SLC22A24: variants seen among roughly 807,000 people sequenced by gnomAD.
SLC22A24 encodes the protein solute carrier family 22 member 24, also known as steroid transmembrane transporter SLC22A24.
In SLC22A24, 53 loss-of-function variants were observed where a neutral mutation model predicts 49.8. The ratio of observed to expected loss-of-function variants is 1.06; its 90% CI spans 0.85 to 1.34. SLC22A24 has a LOEUF of 1.34. Among genes scored for constraint, SLC22A24 ranks in the 40% most tolerant of loss-of-function variants. SLC22A24 has a pLI of 0.00. For missense variants in SLC22A24, 786 were observed against 675.9 expected (o/e 1.16, Z -1.81); for synonymous variants, 302 against 256.4 (o/e 1.18, Z -1.70).
intron 4 of SLC22A24, among the ~76,000 whole-genome samples, chr11:63,117,515 C>G (rs986854044): frequency 1.3e-5 from 2 of 152,108 alleles, no homozygotes; most frequent in African/African-American, 4.8e-5. Flanking sequence ...AGGGACTTCC[C>G]CTTTCACCTC....
intron 2 of SLC22A24, among the ~76,000 whole-genome samples, chr11:63,126,009 GT>G (rs1293201708): frequency 1.3e-5 from 2 of 151,326 alleles, no homozygotes; most frequent in African/African-American, 4.8e-5. Flanking sequence ...GGGGTCGTTT[GT>G]TTTTTTTCTT....
At chr11:63,127,233 G>A (rs2087298136) in intron 2 of SLC22A24, among the ~76,000 whole-genome samples, 1 of 152,084 alleles carries the variant, frequency 6.6e-6, no homozygotes, top group Non-Finnish European at 1.5e-5. Flanking sequence ...GTGGTGTTTG[G>A]CTTTCGGTCC....
intron 4 of SLC22A24, chr11:63,118,600 A>C: frequency 1.9e-6 from 1 of 535,744 alleles, no homozygotes; most frequent in South Asian, 2.9e-5. Flanking sequence ...CCCCCAAATT[A>C]TCTCCATCAC....
At chr11:63,119,151 G>C in intron 3 of SLC22A24, 30 bp downstream of exon 3, 1 of 1,529,308 alleles carries the variant, frequency 6.5e-7, no homozygotes, top group Non-Finnish European at 8.8e-7. Flanking sequence ...AAGACATGGA[G>C]ATGATAAAAT....
At chr11:63,123,251 C>T (rs529905389) in intron 2 of SLC22A24, among the ~76,000 whole-genome samples, 1 of 152,004 alleles carries the variant, frequency 6.6e-6, no homozygotes, top group Non-Finnish European at 1.5e-5. Context: ...AACTTTGAAA[C>T]CTGAAAAAGA....
In SLC22A24 at chr11:63,125,966, G is replaced by A. The variant is rs189332376; in HGVS notation, c.507-6631C>T. Among the ~76,000 whole-genome samples, 9 of 152,250 alleles carry A rather than the reference G, an allele frequency of 5.9e-5. No individual in the cohort carries two copies. The East Asian group carries it at 1.5e-3, about 26-fold the overall frequency. On this transcript the variant is annotated intron_variant, in intron 2 of 9. Coordinates refer to ENST00000612278, the MANE Select transcript of SLC22A24 (RefSeq NM_001136506.2). ...CTGCATAAATGTCTTCTTTTGAGAA[G>A]TGTCTGTTCATATCCTTCGCCCACT...
At chr11:63,138,641 CAAAAAAAAAAA>C (rs59726580) in intron 1 of SLC22A24, among the ~76,000 whole-genome samples, 7 of 60,774 alleles carry the variant, frequency 1.2e-4, no homozygotes, top group Admixed American at 2.2e-4. Flanking sequence ...GACTCTGTCT[CAAAAAAAAAAA>C]AAAAAAAAAA....
intron 4 of SLC22A24, among the ~76,000 whole-genome samples, chr11:63,114,170 G>C (rs545886749): frequency 6.6e-5 from 10 of 152,202 alleles, no homozygotes; most frequent in South Asian, 2.1e-4. Flanking sequence ...TTCCAACTTG[G>C]TTCCATTCTT....
chr11:63,135,823 A>G (rs562367841), intron 1 of SLC22A24, among the ~76,000 whole-genome samples: 1 of 152,332 alleles, frequency 6.6e-6, no homozygotes, highest in East Asian at 1.9e-4. Flanking sequence ...GCTAATGAAC[A>G]TACAGTGCAG....
chr11:63,116,127 G>T (rs2087211324), intron 4 of SLC22A24: 1 of 427,754 alleles, frequency 2.3e-6, no homozygotes, highest in Non-Finnish European at 4.0e-6. Context: ...GGCCTTGATA[G>T]CCTTGGCATG....
chr11:63,107,486 G>C (rs4963362), intron 4 of SLC22A24, among the ~76,000 whole-genome samples: 108,071 of 152,020 alleles, frequency 0.71, 40,032 homozygotes, highest in East Asian at 0.9. Context: ...TTGGTAGCTT[G>C]ATGGGGATGG....
At chr11:63,131,312 C>T (rs1342779481) in intron 2 of SLC22A24, among the ~76,000 whole-genome samples, 1 of 152,100 alleles carries the variant, frequency 6.6e-6, no homozygotes, top group African/African-American at 2.4e-5. Flanking sequence ...GAATTCGAGC[C>T]TGTCATTATG....
intron 2 of SLC22A24, among the ~76,000 whole-genome samples, chr11:63,133,054 GCAGGTCGATCT>G (rs1215108782): frequency 6.6e-6 from 1 of 152,112 alleles, no homozygotes; most frequent in Non-Finnish European, 1.5e-5. Flanking sequence ...CTGCAGTATC[GCAGGTCGATCT>G]CAGACTGGTG....
chr11:63,100,752 A>C (rs907157483), intron 5 of SLC22A24, among the ~76,000 whole-genome samples: 4 of 152,134 alleles, frequency 2.6e-5, no homozygotes, highest in African/African-American at 4.8e-5. Flanking sequence ...AAATCCCTAC[A>C]TCTACAGTGA....
At chr11:63,142,175 C>A (rs539116030) in intron 1 of SLC22A24, among the ~76,000 whole-genome samples, 9 of 152,260 alleles carry the variant, frequency 5.9e-5, no homozygotes, top group African/African-American at 2.2e-4. Flanking sequence ...CCCATCCAGG[C>A]CTGCATGAAT....
intron 1 of SLC22A24, among the ~76,000 whole-genome samples, chr11:63,137,325 T>C (rs1036880353): frequency 5.3e-5 from 8 of 152,152 alleles, no homozygotes; most frequent in African/African-American, 1.4e-4. Context: ...GTCCATCTCA[T>C]CTTTGTGTGT....
At chr11:63,131,131 A>G (rs2087332047) in intron 2 of SLC22A24, among the ~76,000 whole-genome samples, 2 of 151,698 alleles carry the variant, frequency 1.3e-5, no homozygotes, top group South Asian at 4.2e-4. Flanking sequence ...TGCTTGGTAG[A>G]TCTTCCTCCC....
chr11:63,143,582 G>A lies in SLC22A24; in HGVS notation c.198C>T (p.Thr66=). 1.9e-6 allele frequency: 3 copies of A among 1,568,186 alleles called. No homozygotes were observed. The highest frequency in any genetic ancestry group is 2.6e-6 in the Non-Finnish European group (3 of 1,158,402). Residue 66 remains threonine, a synonymous_variant, in exon 1 of 10, where the codon ACC becomes ACT. Transcript: ENST00000612278. The part of the protein sequence containing the change: ...NDTVSDNDTG[T]LSKDDLLRIS... Reference sequence around the variant, plus strand: ...TTCTCAGGAGGTCATCCTTGCTGAGGGTCCCGGTATCATTGTCAGACACAG... The same window carrying A: ...TTCTCAGGAGGTCATCCTTGCTGAGAGTCCCGGTATCATTGTCAGACACAG...
chr11:63,081,310 A>G (rs1221998341), intron 8 of SLC22A24, among the ~76,000 whole-genome samples, 187 bp from the exon 9 acceptor site: 1 of 152,142 alleles, frequency 6.6e-6, no homozygotes, highest in Non-Finnish European at 1.5e-5. Flanking sequence ...AATGTTGGTA[A>G]CTGCTCTTAA....
Sources: gnomAD v4.1 joint callset for allele counts (sites outside exome capture counted in the v4.1 genomes callset) on GRCh38, gnomAD v4.1.1 for gene constraint, MANE v1.5 for transcripts, NCBI Gene and HGNC (gene_info 2026-07-23, HGNC 2026-07-21) for gene names.